Variants in MB21D2 observed in about 807,000 individuals in gnomAD.
The protein encoded by MB21D2 is nucleotidyltransferase MB21D2.
A neutral mutation model predicts 33.3 loss-of-function variants in MB21D2; 9 were observed. The ratio of observed to expected loss-of-function variants is 0.27; its 90% CI spans 0.16 to 0.47. The LOEUF is 0.47. MB21D2 is among the 20% of genes least tolerant of loss of function. The pLI is 0.99. For synonymous variants in MB21D2, 241 were observed against 236.3 expected (o/e 1.02, Z -0.18); for missense variants, 540 against 624.6 (o/e 0.86, Z 1.44).
intron 1 of MB21D2, among the ~76,000 whole-genome samples, chr3:192,855,493 C>T (rs530425553): frequency 5.3e-5 from 8 of 152,228 alleles, no homozygotes; most frequent in South Asian, 4.2e-4. Flanking sequence ...AAAATTTGTG[C>T]GATTCACTTT....
rs549642557 is a variant in MB21D2 at position 192,820,952 on chromosome 3, G to A, written c.212-21302C>T. ...CTTTTTTTTATATATATTTTTTGTAGAGATGAGGTCTCGCTATGTTGCTGA... is the reference window on the plus strand; with the variant it reads ...CTTTTTTTTATATATATTTTTTGTAAAGATGAGGTCTCGCTATGTTGCTGA... On this transcript the variant is annotated intron_variant, in intron 1 of 1. Coordinates refer to ENST00000392452, the MANE Select transcript of MB21D2 (RefSeq NM_178496.4). Among the ~76,000 whole-genome samples the A allele has an allele frequency of 7.9e-5, 12 of 152,014 alleles. No individual in the cohort carries two copies. The South Asian group carries it at 2.1e-3, about 26-fold the overall frequency.
At chr3:192,861,554 C>T (rs1263748928) in intron 1 of MB21D2, among the ~76,000 whole-genome samples, 2 of 152,214 alleles carry the variant, frequency 1.3e-5, no homozygotes, top group Admixed American at 1.3e-4. Flanking sequence ...CGCCTGTAAT[C>T]CCAGCACTTT....
chr3:192,876,999 C>T (rs554049347), intron 1 of MB21D2, among the ~76,000 whole-genome samples: 6 of 152,192 alleles, frequency 3.9e-5, no homozygotes, highest in East Asian at 1.9e-4. Context: ...TCTAGAACAG[C>T]GCCTGAGTCC....
At chr3:192,896,858 G>GT (rs766735758) in intron 1 of MB21D2, among the ~76,000 whole-genome samples, 4 of 152,146 alleles carry the variant, frequency 2.6e-5, no homozygotes, top group Non-Finnish European at 5.9e-5. Context: ...GCTTATGGCT[G>GT]TGGGACCCCC....
rs533128813 is a variant in MB21D2, at chr3:192,806,278, G to A, written c.212-6628C>T. On this transcript the variant is annotated intron_variant, in intron 1 of 1. Coordinates refer to ENST00000392452, the MANE Select transcript of MB21D2 (RefSeq NM_178496.4). ...CTAAACAAGACAACAATACACAATC[G>A]TCCCTTGGTCCCAGGAGCTCCTACA... 7.2e-5 allele frequency among the ~76,000 whole-genome samples: 11 copies of A among 152,302 alleles called. No individual in the cohort carries two copies. In the East Asian group the frequency reaches 2.1e-3, roughly 29 times the overall value.
chr3:192,855,009 T>C (rs1253939064), intron 1 of MB21D2, among the ~76,000 whole-genome samples: 1 of 152,272 alleles, frequency 6.6e-6, no homozygotes, highest in Non-Finnish European at 1.5e-5. Flanking sequence ...TTCAGTCTGC[T>C]GATACAATAT....
intron 1 of MB21D2, among the ~76,000 whole-genome samples, chr3:192,901,955 A>G (rs1560255893): frequency 6.6e-6 from 1 of 152,348 alleles, no homozygotes; most frequent in Non-Finnish European, 1.5e-5. Context: ...TAATTTACTT[A>G]GTGTCAAGGG....
intron 1 of MB21D2, among the ~76,000 whole-genome samples, chr3:192,882,492 G>A (rs1055930012): frequency 6.6e-6 from 1 of 152,128 alleles, no homozygotes; most frequent in Non-Finnish European, 1.5e-5. Flanking sequence ...AAGGAAGGCA[G>A]CATGTCCTTT....
intron 1 of MB21D2, among the ~76,000 whole-genome samples, chr3:192,856,780 T>C (rs1285425856): frequency 6.6e-6 from 1 of 152,194 alleles, no homozygotes; most frequent in Non-Finnish European, 1.5e-5. Flanking sequence ...CTTGAACTTG[T>C]AGACTCAAGC....
chr3:192,815,953 GGTCA>G (rs1711912166), intron 1 of MB21D2, among the ~76,000 whole-genome samples: 1 of 152,198 alleles, frequency 6.6e-6, no homozygotes, highest in African/African-American at 2.4e-5. Flanking sequence ...CACATATATG[GGTCA>G]GTGAGTATCA....
At position 192,797,572 on chromosome 3, in the gene MB21D2, G is replaced by A. The variant is rs909707563; in HGVS notation, c.*814C>T. The A allele has an allele frequency of 1.3e-5, 2 of 152,598 alleles. No homozygotes were observed. The highest frequency in any genetic ancestry group is 3.8e-4 in the East Asian group (2 of 5,196). The allele number at this position is 152,598 out of a possible 1,614,324, so 9.5% of individuals were successfully genotyped here. ...AAATGATAGAATTTCGAGAGTGGTT[G>A]TTAATTTATATTGAAACACACTTTG... On this transcript the variant is annotated 3_prime_UTR_variant, in exon 2 of 2. Coordinates refer to ENST00000392452, the MANE Select transcript of MB21D2 (RefSeq NM_178496.4).
intron 1 of MB21D2, among the ~76,000 whole-genome samples, chr3:192,913,085 G>A (rs1300188370): frequency 6.6e-6 from 1 of 152,214 alleles, no homozygotes; most frequent in Non-Finnish European, 1.5e-5. Context: ...CAGATGTCAA[G>A]CTGCAGAAAT....
At chr3:192,855,129 G>A (rs1484343493) in intron 1 of MB21D2, among the ~76,000 whole-genome samples, 1 of 151,934 alleles carries the variant, frequency 6.6e-6, no homozygotes, top group Non-Finnish European at 1.5e-5. Flanking sequence ...ATGGAGTCTT[G>A]CTCTGTTGCC....
chr3:192,815,124 G>A (rs1263451885), intron 1 of MB21D2, among the ~76,000 whole-genome samples: 1 of 152,100 alleles, frequency 6.6e-6, no homozygotes, highest in Admixed American at 6.5e-5. Flanking sequence ...GTTAAAATTC[G>A]CTAAGTCTTG....
At chr3:192,881,311 T>C (rs551396066) in intron 1 of MB21D2, among the ~76,000 whole-genome samples, 1 of 152,098 alleles carries the variant, frequency 6.6e-6, no homozygotes, top group South Asian at 2.1e-4. Context: ...GACCCAACAG[T>C]GAATCACCAG....
chr3:192,916,728 T>C (rs1396999727), intron 1 of MB21D2, among the ~76,000 whole-genome samples: 1 of 152,164 alleles, frequency 6.6e-6, no homozygotes, highest in Non-Finnish European at 1.5e-5. Context: ...CTGGCTCAAT[T>C]ATGTTCCTTT....
At chr3:192,876,263 T>C (rs1319900315) in intron 1 of MB21D2, among the ~76,000 whole-genome samples, 1 of 152,174 alleles carries the variant, frequency 6.6e-6, no homozygotes, top group African/African-American at 2.4e-5. Context: ...TGAGAATGAC[T>C]CCACCACCCG....
intron 1 of MB21D2, among the ~76,000 whole-genome samples, chr3:192,824,967 A>G (rs1190755767): frequency 6.6e-6 from 1 of 152,184 alleles, no homozygotes; most frequent in Admixed American, 6.5e-5. Context: ...AGATCTGCCT[A>G]AAACATTACA....
Position 192,887,546 on chromosome 3 carries a change from A to C in MB21D2, c.211+30084T>G, listed in dbSNP as rs561539929. Among the ~76,000 whole-genome samples the C allele has an allele frequency of 5.8e-4, 88 of 152,266 alleles. 1 individual carries two copies. The highest frequency in any genetic ancestry group is 2.1e-3 in the African/African-American group (88 of 41,502). On this transcript the variant is annotated intron_variant, in intron 1 of 1. Coordinates refer to ENST00000392452, the MANE Select transcript of MB21D2 (RefSeq NM_178496.4). ...AAAAAGATATATTTAGGGATAAATT[A>C]TACGTCTAGGTTTGATCTAAAATAA...
Sources: gnomAD v4.1 joint callset for allele counts (sites outside exome capture counted in the v4.1 genomes callset) on GRCh38, gnomAD v4.1.1 for gene constraint, MANE v1.5 for transcripts, NCBI Gene and HGNC (gene_info 2026-07-23, HGNC 2026-07-21) for gene names.